The following CNOT3 variants were observed in gnomAD, a reference collection of about 807,000 sequenced individuals.
The protein encoded by CNOT3 is CCR4-NOT transcription complex subunit 3.
Under a neutral mutation model 89.4 loss-of-function variants are expected in CNOT3, and 2 were observed. The ratio of observed to expected loss-of-function variants is 0.02; its 90% CI spans 0.01 to 0.07. The LOEUF is 0.07. Among genes scored for constraint, CNOT3 ranks in the 10% least tolerant of loss-of-function variants. The pLI is 1.00. For missense variants in CNOT3, 664 were observed against 1,010.2 expected (o/e 0.66, Z 4.65); for synonymous variants, 486 against 402.0 (o/e 1.21, Z -2.50).
intron 16 of CNOT3, 115 bp downstream of exon 16, chr19:54,153,114 A>G (rs2075218924): frequency 4.8e-6 from 4 of 841,794 alleles, no homozygotes; most frequent in African/African-American, 1.7e-5. Context: ...CTGGGACCGC[A>G]CCCCCTCCCT....
rs760701265 is a variant in CNOT3 at position 54,148,467 on chromosome 19, G to T, written c.1214G>T (p.Gly405Val). 1 of 1,563,022 alleles carries T rather than the reference G, an allele frequency of 6.4e-7. No homozygotes were observed. Among genetic ancestry groups the T allele is most frequent in the Admixed American group, 1.8e-5 (1 of 56,272 alleles). The change falls in exon 11 of 18, where the codon GGC becomes GTC. Residue 405 changes from glycine (G) to valine (V), a missense_variant. Gly to Val is a moderately radical substitution (Grantham distance 109, BLOSUM62 -3). Around this residue, in one of 8 missense-constraint regions of CNOT3, gnomAD observed 545 missense variants for 566.2 expected, o/e 0.96. Coordinates refer to ENST00000221232, the MANE Select transcript of CNOT3 (RefSeq NM_014516.4). This position sits in a 1 kb window ranked among gnomAD's most constrained non-coding sequence, Gnocchi z 6.3. ...PSGGGGGGSGGGGSSSSSNSS... is the reference protein window; with the variant it reads ...PSGGGGGGSGVGGSSSSSNSS... ...GGAGGCGGAGGCGGCGGCAGCGGAG[G>T]CGGAGGGAGCAGCAGCAGTAGTAAC...
At position 54,149,721 on chromosome 19, in the gene CNOT3, A is replaced by C; in HGVS notation, c.1568A>C (p.Asn523Thr). The change falls in exon 13 of 18, where the codon AAT becomes ACT. Residue 523 changes from asparagine (N) to threonine (T), a missense_variant. Coordinates refer to ENST00000221232, the MANE Select transcript of CNOT3 (RefSeq NM_014516.4). Reference protein sequence around the residue: ...SDAKAAGALLNGPPQFSTAPE... With the variant: ...SDAKAAGALLTGPPQFSTAPE... ...GCCAAGGCAGCCGGTGCCCTGCTCA[A>C]TGGGCCTCCACAGTTCAGCACCGCC... 1.2e-6 allele frequency: 2 copies of C among 1,613,694 alleles called. No individual in the cohort carries two copies. The highest frequency in any genetic ancestry group is 1.7e-6 in the Non-Finnish European group (2 of 1,179,830).
intron 16 of CNOT3, 170 bp downstream of exon 16, chr19:54,153,169 C>T (rs1234661010): frequency 1.3e-6 from 1 of 767,828 alleles, no homozygotes; most frequent in African/African-American, 1.7e-5. Flanking sequence ...TGTCCCCGTC[C>T]CCGCCTTCCA....
intron 3 of CNOT3, 49 bp downstream of exon 3, chr19:54,143,235 C>G (rs774520932): frequency 1.3e-6 from 2 of 1,546,718 alleles, no homozygotes; most frequent in Admixed American, 1.7e-5. Context: ...GAGGAGGGCA[C>G]AGGAAGGCGG....
At chr19:54,146,082 C>T in intron 9 of CNOT3, 39 bp downstream of exon 9, 1 of 1,604,758 alleles carries the variant, frequency 6.2e-7, no homozygotes, top group South Asian at 1.1e-5. Flanking sequence ...GTGTTTCCAG[C>T]AGGGCAGGAC....
chr19:54,145,871 T>C lies in CNOT3; in HGVS notation c.704-39T>C, dbSNP rs2074644857. 3 of 1,611,942 alleles carry C rather than the reference T, an allele frequency of 1.9e-6. No homozygotes were observed. In the East Asian group the frequency reaches 6.7e-5, roughly 36 times the overall value. ...GGAAGTGAGGGCCCAGAATGGGCTG[T>C]GTGAGCCAGCTAAGCATGCCCTTCT... On this transcript the variant is annotated intron_variant, in intron 8 of 17. Transcript: ENST00000221232. The surrounding 1 kb of genome is among the most constrained non-coding windows in gnomAD (Gnocchi z 5.9).
Position 54,143,564 on chromosome 19 carries a change from A to T in CNOT3, c.168+48A>T, listed in dbSNP as rs1481409731. 1.9e-6 allele frequency: 3 copies of T among 1,607,816 alleles called. No individual in the cohort carries two copies. In the South Asian group the frequency reaches 3.3e-5, roughly 18 times the overall value. ...CGCCTTTGTCCTGAGGGTAGAGGGA[A>T]CTGGGAGAGTGGACTGCTGGGTCCC... On this transcript the variant is annotated intron_variant, in intron 4 of 17. Coordinates refer to ENST00000221232, the MANE Select transcript of CNOT3 (RefSeq NM_014516.4).
chr19:54,150,605 G>C (rs965386951), intron 13 of CNOT3, among the ~76,000 whole-genome samples: 3 of 151,478 alleles, frequency 2.0e-5, no homozygotes, highest in African/African-American at 7.3e-5. Context: ...GCGCGCCCAG[G>C]CTGTCCAGGA....
At chr19:54,146,415 A>G (rs1335073941) in intron 9 of CNOT3, among the ~76,000 whole-genome samples, 186 bp from the exon 10 acceptor site, 1 of 152,108 alleles carries the variant, frequency 6.6e-6, no homozygotes, top group African/African-American at 2.4e-5. Flanking sequence ...CTCCCAGAAA[A>G]CAAGAAGACT....
chr19:54,153,903 C>G (rs746192592), intron 17 of CNOT3, 63 bp downstream of exon 17: 1 of 1,608,768 alleles, frequency 6.2e-7, no homozygotes, highest in African/African-American at 1.3e-5. Context: ...AGGCTCCAGG[C>G]AGCCCCTGCT....
chr19:54,152,342 G>A lies in CNOT3; in HGVS notation c.1705+17G>A. The A allele has an allele frequency of 1.9e-6, 3 of 1,614,172 alleles. No homozygotes were observed. The highest frequency in any genetic ancestry group is 1.3e-5 in the African/African-American group (1 of 75,058). ...CCGAGCGAGGTGAGGGACCCAGGAT[G>A]GTGGGGAAGCAGCGGGCCAAAGAGG... On this transcript the variant is annotated intron_variant, in intron 14 of 17. Transcript: ENST00000221232.
intron 17 of CNOT3, 59 bp from the exon 18 acceptor site, chr19:54,155,250 C>T (rs768502911): frequency 1.6e-5 from 26 of 1,595,766 alleles, no homozygotes; most frequent in South Asian, 3.4e-5. Context: ...TCTGTTGGTC[C>T]GGCCCAGATC....
intron 15 of CNOT3, 47 bp downstream of exon 15, chr19:54,152,673 G>C (rs759868773): frequency 6.7e-7 from 1 of 1,488,690 alleles, no homozygotes. Context: ...TGAGTCTTAC[G>C]GAGGAGGCAG....
intron 4 of CNOT3, 62 bp from the exon 5 acceptor site, chr19:54,143,598 G>A (rs2074544987): frequency 6.2e-7 from 1 of 1,605,380 alleles, no homozygotes; most frequent in East Asian, 2.2e-5. Context: ...CCAGGGAGAA[G>A]GAGCTGTGGG....
At position 54,143,330 on chromosome 19, in the gene CNOT3, G is replaced by C. The variant is rs2074529978; in HGVS notation, c.94-112G>C. On this transcript the variant is annotated intron_variant, in intron 3 of 17. Transcript: ENST00000221232. ...AAGAGAATCAGCTCTAAGATGGATT[G>C]GGGGTAGGGGTTGGGGGGGGTCCTC... The C allele has an allele frequency of 3.3e-6, 4 of 1,228,126 alleles. No individual in the cohort carries two copies. The Admixed American group carries it at 6.8e-5, about 21-fold the overall frequency. 76.1% of individuals were successfully genotyped at this position (1,228,126 alleles called of 1,614,324 possible). A position where few individuals can be genotyped will look rare whatever the true frequency, so the allele number is the denominator to read the frequency against.
chr19:54,155,016 C>G (rs1435619069), intron 17 of CNOT3: 1 of 488,538 alleles, frequency 2.0e-6, no homozygotes, highest in African/African-American at 2.0e-5. Context: ...AGCCACAGCC[C>G]TCGAGGAAAC....
chr19:54,147,686 C>A (rs2074758565), intron 10 of CNOT3, among the ~76,000 whole-genome samples: 1 of 152,164 alleles, frequency 6.6e-6, no homozygotes, highest in African/African-American at 2.4e-5. Context: ...AACTTCCAGC[C>A]CTGTGAGTAG....
rs896601903 is a variant in CNOT3 at position 54,151,509 on chromosome 19, G to T, written c.1606-717G>T. Among the ~76,000 whole-genome samples, 5 of 152,150 alleles carry T rather than the reference G, an allele frequency of 3.3e-5. No homozygotes were observed. In the South Asian group the frequency reaches 1.0e-3, roughly 32 times the overall value. On this transcript the variant is annotated intron_variant, in intron 13 of 17. Transcript: ENST00000221232. ...GCTTGAGCCCAGGAGTTTGAGACCT[G>T]CCTGGGCGATATAGCGAGACAGGAT...
chr19:54,150,151 C>G (rs1438530072), intron 13 of CNOT3, among the ~76,000 whole-genome samples: 1 of 152,114 alleles, frequency 6.6e-6, no homozygotes, highest in Admixed American at 6.6e-5. Flanking sequence ...TGGGTGAATG[C>G]AGCCTGGTTC....
Sources: allele counts gnomAD v4.1 joint callset (sites outside exome capture counted in the v4.1 genomes callset), GRCh38; gene constraint gnomAD v4.1.1; regional missense constraint gnomAD v4.1.1; non-coding constraint Gnocchi (gnomAD v3.1); transcripts MANE v1.5; gene names NCBI Gene and HGNC (gene_info 2026-07-23, HGNC 2026-07-21).